VAC14: variants seen among roughly 807,000 people sequenced by gnomAD.
VAC14 encodes the protein VAC14 component of PIKFYVE complex, also known as protein VAC14 homolog.
VAC14 carries 47 observed loss-of-function variants against 85.3 expected under a neutral mutation model. The observed-to-expected ratio is 0.55, with a 90% CI of 0.44 to 0.70. The LOEUF (loss-of-function observed/expected upper bound fraction) is 0.70, where lower values mean the gene tolerates loss of function less well. VAC14 is among the 30% of genes least tolerant of loss of function. The pLI is 0.00. For missense variants in VAC14, 861 were observed against 1,004.3 expected (o/e 0.86, Z 1.93); for synonymous variants, 447 against 430.5 (o/e 1.04, Z -0.47).
At chr16:70,751,688 G>C (rs947928174) in intron 12 of VAC14, among the ~76,000 whole-genome samples, 1 of 152,206 alleles carries the variant, frequency 6.6e-6, no homozygotes, top group Non-Finnish European at 1.5e-5. Flanking sequence ...CTAGGAAGCC[G>C]GGCTGCTGTA....
chr16:70,712,416 C>T (rs536788579), intron 14 of VAC14, among the ~76,000 whole-genome samples: 2 of 152,230 alleles, frequency 1.3e-5, no homozygotes, highest in South Asian at 2.1e-4. Flanking sequence ...CAGAGAAAGG[C>T]GGGTGGACAG....
intron 14 of VAC14, chr16:70,714,035 G>A (rs1400981822): frequency 6.6e-6 from 1 of 152,204 alleles, no homozygotes; most frequent in Non-Finnish European, 1.5e-5. Flanking sequence ...CTCTGCAGCT[G>A]CTGGAAACAG....
At chr16:70,738,257 T>G (rs1198589531) in intron 13 of VAC14, among the ~76,000 whole-genome samples, 2 of 150,922 alleles carry the variant, frequency 1.3e-5, no homozygotes, top group Non-Finnish European at 3.0e-5. Flanking sequence ...CTGGAGGGGG[T>G]GCACAGCTAC....
chr16:70,723,150 G>T (rs1294252759), intron 14 of VAC14, among the ~76,000 whole-genome samples: 1 of 152,006 alleles, frequency 6.6e-6, no homozygotes, highest in Non-Finnish European at 1.5e-5. Context: ...TGAACCCGGG[G>T]GGTGGAGGTT....
chr16:70,761,247 C>G (rs892794050), intron 12 of VAC14: 3 of 453,070 alleles, frequency 6.6e-6, no homozygotes, highest in Non-Finnish European at 1.3e-5. Context: ...GAGCCTCACT[C>G]CATGGGGACT....
At chr16:70,792,405 G>A (rs1190293132) in intron 1 of VAC14, among the ~76,000 whole-genome samples, 2 of 152,190 alleles carry the variant, frequency 1.3e-5, no homozygotes, top group African/African-American at 4.8e-5. Flanking sequence ...CTTCACTAAT[G>A]TGAAGGGCAT....
At chr16:70,772,026 G>A (rs1035126123) in intron 10 of VAC14, 83 bp downstream of exon 10, 1 of 1,319,850 alleles carries the variant, frequency 7.6e-7, no homozygotes, top group African/African-American at 1.5e-5. Context: ...TTTGCCTTGG[G>A]TCATTGCTGT....
intron 12 of VAC14, among the ~76,000 whole-genome samples, chr16:70,748,887 A>C (rs2031143399): frequency 6.6e-6 from 1 of 152,218 alleles, no homozygotes. Flanking sequence ...TAGTGAGCTG[A>C]GATCGCACTA....
intron 12 of VAC14, among the ~76,000 whole-genome samples, chr16:70,753,131 T>TAAG (rs1289452579): frequency 2.0e-5 from 3 of 152,024 alleles, no homozygotes; most frequent in African/African-American, 7.3e-5. Context: ...CAGTTTCCTC[T>TAAG]TAGGGGAAAT....
chr16:70,744,060 C>T (rs1597921800), intron 13 of VAC14, among the ~76,000 whole-genome samples: 1 of 152,134 alleles, frequency 6.6e-6, no homozygotes, highest in East Asian at 1.9e-4. Flanking sequence ...ACCTAGTCTT[C>T]CACCTGTTAG....
chr16:70,689,035 T>C (rs2053550083), intron 18 of VAC14: 1 of 985,188 alleles, frequency 1.0e-6, no homozygotes, highest in Non-Finnish European at 1.2e-6. Flanking sequence ...TTGGGGCCCT[T>C]CAAGTTTATG....
At chr16:70,702,637 C>T (rs963948083) in intron 14 of VAC14, among the ~76,000 whole-genome samples, 1 of 152,218 alleles carries the variant, frequency 6.6e-6, no homozygotes, top group Non-Finnish European at 1.5e-5. Flanking sequence ...AAACCCAGAT[C>T]ACTGCGTTGC....
chr16:70,744,164 A>G (rs1410004945), intron 13 of VAC14, among the ~76,000 whole-genome samples: 2 of 152,148 alleles, frequency 1.3e-5, no homozygotes, highest in Non-Finnish European at 2.9e-5. Flanking sequence ...TGTTTAGCCA[A>G]TGGCTCAAAA....
intron 1 of VAC14, among the ~76,000 whole-genome samples, chr16:70,794,331 G>C (rs1224685771): frequency 1.3e-5 from 2 of 152,156 alleles, no homozygotes; most frequent in East Asian, 1.9e-4. Context: ...TCTACTTTCT[G>C]TTTCTATAGA....
Position 70,688,061 on chromosome 16 carries a change from T to C in VAC14, c.2216A>G (p.Gln739Arg), listed in dbSNP as rs1424381936. 6.3e-7 allele frequency: 1 copy of C among 1,593,820 alleles called. No homozygotes were observed. Among genetic ancestry groups the C allele is most frequent in the Non-Finnish European group, 8.6e-7 (1 of 1,167,836 alleles). ...EDSLKAAPKS[Q>R]KADSPSIDYA... ...GTCGATGCTAGGGGAGTCAGCTTTC[T>C]GGGACTTGGGGGCTGCCTTTAGACT... The change falls in exon 19 of 19, where the codon CAG (glutamine) becomes CGG (arginine). Residue 739 changes from glutamine to arginine, a missense_variant. Coordinates refer to ENST00000261776, the MANE Select transcript of VAC14 (RefSeq NM_018052.5).
At chr16:70,693,067 G>T in intron 17 of VAC14, 96 bp from the exon 18 acceptor site, 1 of 1,461,000 alleles carries the variant, frequency 6.8e-7, no homozygotes. Flanking sequence ...GACCACCTGG[G>T]ACTTGGTGCC....
intron 12 of VAC14, among the ~76,000 whole-genome samples, chr16:70,754,159 G>T (rs564088750): frequency 1.3e-5 from 2 of 152,318 alleles, no homozygotes; most frequent in South Asian, 4.1e-4. Context: ...TTCCCTGCAA[G>T]GAGGTGGCAA....
intron 18 of VAC14, chr16:70,689,966 G>C (rs1003576910): frequency 1.9e-5 from 19 of 985,406 alleles, no homozygotes; most frequent in Non-Finnish European, 2.3e-5. Flanking sequence ...CCACAGGTGT[G>C]ACCCTAAAGT....
chr16:70,774,938 G>A (rs1248322617), intron 9 of VAC14, among the ~76,000 whole-genome samples: 1 of 151,662 alleles, frequency 6.6e-6, no homozygotes, highest in Non-Finnish European at 1.5e-5. Context: ...TATTAGTAGA[G>A]ATGGGGTTTC....
Sources: allele counts gnomAD v4.1 joint callset (sites outside exome capture counted in the v4.1 genomes callset), GRCh38; gene constraint gnomAD v4.1.1; transcripts MANE v1.5; gene names NCBI Gene and HGNC (gene_info 2026-07-23, HGNC 2026-07-21).